COL6A3: variants seen among roughly 807,000 people sequenced by gnomAD.
COL6A3 encodes collagen type VI alpha 3 chain.
Under a neutral mutation model 274.1 loss-of-function variants are expected in COL6A3, and 137 were observed. The ratio of observed to expected loss-of-function variants is 0.50; its 90% CI spans 0.44 to 0.58. The LOEUF (loss-of-function observed/expected upper bound fraction) is 0.58, where lower values mean the gene tolerates loss of function less well. Among genes scored for constraint, COL6A3 ranks in the 20% least tolerant of loss-of-function variants. COL6A3 has a pLI of 0.00. For missense variants in COL6A3, 3,950 were observed against 4,124.9 expected, an observed-to-expected ratio of 0.96 and a Z score of 1.16; for synonymous variants, 1,650 against 1,650.6, an observed-to-expected ratio of 1.00 and a Z score of 0.01.
rs571976513 is a variant in COL6A3, at chr2:237,364,849, G to A, written c.5839-421C>T. On this transcript the variant is annotated intron_variant, in intron 12 of 43. Coordinates refer to ENST00000295550, the MANE Select transcript of COL6A3 (RefSeq NM_004369.4). The surrounding 1 kb of genome is among the most constrained non-coding windows in gnomAD (Gnocchi z 4.6). Reference sequence around the variant, plus strand: ...CATGTGTGGGTGTGTGGGTGTACATGTGTGTGGGTGCGTATGTGTGTGCAT... The same window carrying A: ...CATGTGTGGGTGTGTGGGTGTACATATGTGTGGGTGCGTATGTGTGTGCAT... Among the ~76,000 whole-genome samples the A allele has an allele frequency of 6.7e-6, 1 of 149,832 alleles. No homozygotes were observed. Among genetic ancestry groups the A allele is most frequent in the South Asian group, 2.1e-4 (1 of 4,676 alleles).
chr2:237,333,666 G>A, intron 41 of COL6A3, 118 bp from the exon 42 acceptor site: 1 of 854,624 alleles, frequency 1.2e-6, no homozygotes, highest in South Asian at 1.5e-5. Flanking sequence ...GGGGAGTGGT[G>A]ATTGAAAGAC....
Position 237,344,892 on chromosome 2 carries a change from A to G in COL6A3, c.7174+49T>C. 1 of 1,614,066 alleles carries G rather than the reference A, an allele frequency of 6.2e-7. No individual in the cohort carries two copies. The highest frequency in any genetic ancestry group is 1.1e-5 in the South Asian group (1 of 91,082). On this transcript the variant is annotated intron_variant, in intron 35 of 43. Coordinates refer to ENST00000295550, the MANE Select transcript of COL6A3 (RefSeq NM_004369.4). This position sits in a 1 kb window ranked among gnomAD's most constrained non-coding sequence, Gnocchi z 4.8. ...GTTAAAGACAAACTGTACTTACTAC[A>G]AAAGGGAGGCTTCCTTTCCTTAGGA...
chr2:237,402,264 G>A (rs1004308051), intron 1 of COL6A3, among the ~76,000 whole-genome samples: 2 of 152,166 alleles, frequency 1.3e-5, no homozygotes, highest in African/African-American at 4.8e-5. Context: ...TAGGTATAGA[G>A]CTTCTGTTTT....
rs1267222074 is a variant in COL6A3 at position 237,354,893 on chromosome 2, G to A, written c.6627+6C>T. The A allele has an allele frequency of 6.2e-7, 1 of 1,613,446 alleles. No individual in the cohort carries two copies. Among genetic ancestry groups the A allele is most frequent in the Non-Finnish European group, 8.5e-7 (1 of 1,179,704 alleles). ...GAGTCTCCAGGGGGCACTGCATGAGGCTCACCTTAGCTCCGGGGGGTCCCC... is the reference window on the plus strand; with the variant it reads ...GAGTCTCCAGGGGGCACTGCATGAGACTCACCTTAGCTCCGGGGGGTCCCC... On this transcript the variant is annotated splice_donor_region_variant and intron_variant, in intron 24 of 43. Coordinates refer to ENST00000295550, the MANE Select transcript of COL6A3 (RefSeq NM_004369.4).
In COL6A3 at chr2:237,394,847, G is replaced by A. The variant is rs1215179570; in HGVS notation, c.449C>T (p.Thr150Ile). The change falls in exon 3 of 44, where the codon ACT (threonine) becomes ATT (isoleucine). Residue 150 changes from threonine to isoleucine, a missense_variant. Transcript: ENST00000295550. ...DGVPQVIVVL[T>I]DGHSKDGLAL... ...AAGGCCATCCTTCGAGTGTCCATCA[G>A]TTAACACTACGATAACCTGAGGGAC... 6.2e-7 allele frequency: 1 copy of A among 1,613,946 alleles called. No individual in the cohort carries two copies. The highest frequency in any genetic ancestry group is 1.1e-5 in the South Asian group (1 of 91,082).
Position 237,340,912 on chromosome 2 carries a change from C to A in COL6A3, c.8004G>T (p.Gln2668His), listed in dbSNP as rs551116650. 6.2e-7 allele frequency: 1 copy of A among 1,613,198 alleles called. No individual in the cohort carries two copies. The highest frequency in any genetic ancestry group is 8.5e-7 in the Non-Finnish European group (1 of 1,179,272). The change falls in exon 38 of 44, where the codon CAG becomes CAT. Residue 2668 changes from glutamine to histidine, a missense_variant. Physicochemically the swap from Gln to His is conservative, Grantham distance 24. Around this residue, in one of 5 missense-constraint regions of COL6A3, gnomAD observed 1,284 missense variants for 1,349.7 expected, o/e 0.95. Transcript: ENST00000295550. ...TGTCCACGGACTCAGAGGGCGCGTGCTGCACAACTGCCACTCTGGCGAAGT... is the reference window on the plus strand; with the variant it reads ...TGTCCACGGACTCAGAGGGCGCGTGATGCACAACTGCCACTCTGGCGAAGT... ...SQHFARVAVV[Q>H]HAPSESVDNA... is the part of the protein sequence containing the mutation.
intron 41 of COL6A3, among the ~76,000 whole-genome samples, chr2:237,334,155 G>T (rs1169170681): frequency 1.3e-5 from 2 of 152,184 alleles, no homozygotes; most frequent in Non-Finnish European, 2.9e-5. Context: ...TGAGATCAGG[G>T]CAGGGAGACT....
chr2:237,407,846 A>G lies in COL6A3; in HGVS notation c.-31+6107T>C, dbSNP rs2078758806. Among the ~76,000 whole-genome samples the G allele has an allele frequency of 6.6e-6, 1 of 152,214 alleles. No individual in the cohort carries two copies. The highest frequency in any genetic ancestry group is 2.4e-5 in the African/African-American group (1 of 41,468). On this transcript the variant is annotated intron_variant, in intron 1 of 43. Transcript: ENST00000295550. The surrounding 1 kb of genome is among the most constrained non-coding windows in gnomAD (Gnocchi z 4.3). ...TAAACATCAGGCAGAGACTAGTTCC[A>G]TTTCAACATTAAAGAAGAAAGGTGC...
Position 237,344,448 on chromosome 2 carries a change from G to C in COL6A3, c.7570C>G (p.Pro2524Ala), listed in dbSNP as rs1338800009. 6.2e-7 allele frequency: 1 copy of C among 1,614,188 alleles called. No individual in the cohort carries two copies. The highest frequency in any genetic ancestry group is 1.7e-5 in the Admixed American group (1 of 60,026). ...FFSNTPTRAS[P>A]QLREAVLKLS... ...TTGAGCACAGCCTCTCTGAGCTGTG[G>C]GGATGCTCTTGTGGGTGTGTTGCTG... Residue 2524 changes from proline to alanine, a missense_variant, in exon 36 of 44, where the codon CCA (proline) becomes GCA (alanine). By Grantham distance (27) the Pro-to-Ala change is conservative. Around this residue, in one of 5 missense-constraint regions of COL6A3, gnomAD observed 1,284 missense variants for 1,349.7 expected, o/e 0.95. Transcript: ENST00000295550. The surrounding 1 kb of genome is among the most constrained non-coding windows in gnomAD (Gnocchi z 4.8).
Position 237,348,627 on chromosome 2 carries a change from G to A in COL6A3, c.6916C>T (p.Arg2306Cys), listed in dbSNP as rs370862741. 1.6e-5 allele frequency: 26 copies of A among 1,613,964 alleles called. No individual in the cohort carries two copies. Among genetic ancestry groups the A allele is most frequent in the East Asian group, 1.1e-4 (5 of 44,892 alleles). The part of the protein sequence containing the change: ...DGRDGVGSEG[R>C]RGKKGERGFP... ...CAGATACGTACTTTTTTGCCTCTGC[G>A]TCCTTCACTGCCAACTCCGTCTCTC... The change falls in exon 29 of 44, where the codon CGC becomes TGC. Residue 2306 changes from arginine to cysteine, a missense_variant. Around this residue, in one of 5 missense-constraint regions of COL6A3, gnomAD observed 1,284 missense variants for 1,349.7 expected, o/e 0.95. Transcript: ENST00000295550.
At chr2:237,396,281 A>G (rs1468463642) in intron 2 of COL6A3, among the ~76,000 whole-genome samples, 1 of 152,244 alleles carries the variant, frequency 6.6e-6, no homozygotes, top group Non-Finnish European at 1.5e-5. Flanking sequence ...TCCTAGATGA[A>G]AAATGCCTTC....
intron 32 of COL6A3, 42 bp from the exon 33 acceptor site, chr2:237,345,255 G>C (rs1181631946): frequency 1.2e-6 from 2 of 1,606,020 alleles, no homozygotes; most frequent in Admixed American, 1.7e-5. Flanking sequence ...ACAGCAGATG[G>C]GGAATTCGAA....
chr2:237,382,960 GT>G (rs2106372167), intron 4 of COL6A3, among the ~76,000 whole-genome samples: 1 of 152,112 alleles, frequency 6.6e-6, no homozygotes, highest in East Asian at 1.9e-4. Context: ...GCTAATTTTT[GT>G]TTTGTTTTGT....
intron 8 of COL6A3, among the ~76,000 whole-genome samples, chr2:237,373,836 G>A: frequency 6.6e-6 from 1 of 152,190 alleles, no homozygotes; most frequent in Non-Finnish European, 1.5e-5. Context: ...GGCCTAGAAA[G>A]AGGGAACAGG....
chr2:237,336,138 T>C lies in COL6A3; in HGVS notation c.8962A>G (p.Met2988Val), dbSNP rs11690358. The change falls in exon 40 of 44, where the codon ATG becomes GTG. Residue 2988 changes from methionine (M) to valine (V), a missense_variant. Around this residue, in one of 5 missense-constraint regions of COL6A3, gnomAD observed 1,284 missense variants for 1,349.7 expected, o/e 0.95. Transcript: ENST00000295550. ...GCCCTAGCAAGGGCTTTCTTACCCA[T>C]GGGCTTAGTGGTGGCTGGCTTGGTG... ...AATKPATTKP[M>V]VKMSREVQVF... is the part of the protein sequence containing the mutation. The C allele has an allele frequency of 0.095, 153,821 of 1,613,478 alleles. 8,196 individuals carry two copies. Among genetic ancestry groups the C allele is most frequent in the Non-Finnish European group, 0.11 (127,385 of 1,179,952 alleles).
rs760603503 is a variant in COL6A3 at position 237,344,363 on chromosome 2, A to T, written c.7655T>A (p.Ile2552Asn). The T allele has an allele frequency of 5.6e-6, 9 of 1,614,208 alleles. No homozygotes were observed. The highest frequency in any genetic ancestry group is 1.6e-4 in the Middle Eastern group (1 of 6,062). The part of the protein sequence containing the change: ...FLTRQEDRQL[I>N]NALQINNTAV... ...CAGAGCACAGACCTGCAAAGCGTTG[A>T]TGAGCTGCCGGTCTTCCTGCCTTGT... Residue 2552 changes from isoleucine to asparagine, a missense_variant, in exon 36 of 44, where the codon ATC (isoleucine) becomes AAC (asparagine). Ile to Asn is a moderately radical substitution (Grantham distance 149, BLOSUM62 -3). Coordinates refer to ENST00000295550, the MANE Select transcript of COL6A3 (RefSeq NM_004369.4). The surrounding 1 kb of genome is among the most constrained non-coding windows in gnomAD (Gnocchi z 4.8).
intron 40 of COL6A3, 42 bp downstream of exon 40, chr2:237,336,093 G>A (rs908340478): frequency 1.2e-6 from 2 of 1,611,160 alleles, no homozygotes; most frequent in Non-Finnish European, 1.7e-6. Flanking sequence ...AGCAGGAAAT[G>A]AGGATGTCAC....
intron 4 of COL6A3, 85 bp downstream of exon 4, chr2:237,387,497 T>C: frequency 6.2e-7 from 1 of 1,603,616 alleles, no homozygotes; most frequent in Non-Finnish European, 8.5e-7. Flanking sequence ...CCGTGGCGAA[T>C]CATGCTGGTA....
Position 237,359,363 on chromosome 2 carries a change from T to A in COL6A3, c.6308A>T (p.Lys2103Met). The change falls in exon 18 of 44, where the codon AAG becomes ATG. Residue 2103 changes from lysine to methionine, a missense_variant and splice_region_variant. Around this residue, in one of 5 missense-constraint regions of COL6A3, gnomAD observed 92 missense variants for 143.4 expected, o/e 0.64. Transcript: ENST00000295550. ...VKGSRGFPGE[K>M]GEVGEIGLDG... ...TAAAACAAAACCAAGCTTGCATACC[T>A]TCTCTCCTGGGAATCCCCGAGAGCC... 6.2e-7 allele frequency: 1 copy of A among 1,614,048 alleles called. No homozygotes were observed. Among genetic ancestry groups the A allele is most frequent in the Non-Finnish European group, 8.5e-7 (1 of 1,179,992 alleles).
Sources: allele counts gnomAD v4.1 joint callset (sites outside exome capture counted in the v4.1 genomes callset), GRCh38; gene constraint gnomAD v4.1.1; regional missense constraint gnomAD v4.1.1; non-coding constraint Gnocchi (gnomAD v3.1); transcripts MANE v1.5; gene names NCBI Gene and HGNC (gene_info 2026-07-23, HGNC 2026-07-21).